The following BOD1 variants were observed in gnomAD, a reference collection of about 807,000 sequenced individuals.
The protein encoded by BOD1 is biorientation of chromosomes in cell division protein 1.
Under a neutral mutation model 15.7 loss-of-function variants are expected in BOD1, and 11 were observed. The observed-to-expected ratio is 0.70, with a 90% CI of 0.44 to 1.16. The LOEUF is 1.16. Among genes scored for constraint, BOD1 ranks in the 50% most tolerant of loss-of-function variants. The pLI, the probability that BOD1 is intolerant of heterozygous loss-of-function variation, is 0.00. For synonymous variants in BOD1, 105 were observed against 103.5 expected (o/e 1.01, Z -0.09); for missense variants, 182 against 244.5 (o/e 0.74, Z 1.70).
intron 1 of BOD1, chr5:173,614,570 G>C (rs2113341085): frequency 6.6e-6 from 1 of 152,358 alleles, no homozygotes; most frequent in East Asian, 1.9e-4. Flanking sequence ...CCCAAAATGT[G>C]CATTTCTAAC....
At chr5:173,611,030 T>G (rs1755336399) in intron 2 of BOD1, among the ~76,000 whole-genome samples, 1 of 152,160 alleles carries the variant, frequency 6.6e-6, no homozygotes, top group African/African-American at 2.4e-5. Flanking sequence ...GAAGTAAATT[T>G]CCATTGTTTA....
intron 1 of BOD1, among the ~76,000 whole-genome samples, chr5:173,614,476 TCAGTTCAAAGTAAATTA>T (rs370299910): frequency 3.3e-5 from 5 of 152,368 alleles, no homozygotes; most frequent in African/African-American, 1.2e-4. Context: ...TGTTCACTTA[TCAGTTCAAAGTAAATTA>T]CAGTGCAAAG....
At chr5:173,609,599 T>TTTGAGGGGTAATTTTGAGGG in intron 2 of BOD1, 165 bp from the exon 3 acceptor site, 1 of 645,334 alleles carries the variant, frequency 1.5e-6, no homozygotes, top group Non-Finnish European at 2.6e-6. Flanking sequence ...CACGCTATTT[T>TTTGAGGGGTAATTTTGAGGG]CACTTTTGAG....
intron 1 of BOD1, chr5:173,614,698 A>C (rs1187656308): frequency 6.6e-6 from 1 of 152,228 alleles, no homozygotes; most frequent in Non-Finnish European, 1.5e-5. Flanking sequence ...AAGAACTAAA[A>C]CAACCTGGAA....
Position 173,608,144 on chromosome 5 carries a change from C to G in BOD1, c.*150G>C, listed in dbSNP as rs1488774899. 1.3e-5 allele frequency: 12 copies of G among 934,402 alleles called. No individual in the cohort carries two copies. Among genetic ancestry groups the G allele is most frequent in the Non-Finnish European group, 2.1e-5 (12 of 579,048 alleles). The allele number at this position is 934,402 out of a possible 1,614,324, so 57.9% of individuals were successfully genotyped here. A position where few individuals can be genotyped will look rare whatever the true frequency, so the allele number is the denominator to read the frequency against. On this transcript the variant is annotated 3_prime_UTR_variant, in exon 4 of 4. Transcript: ENST00000311086. The stretch of plus-strand genomic sequence containing the variant: ...AACTCTCCCACTGCCGAACTTGCTC[C>G]CCTTTCAATCTGGTCACTGCCCATG...
Position 173,608,201 on chromosome 5 carries a change from C to A in BOD1, c.*93G>T. The A allele has an allele frequency of 1.4e-6, 2 of 1,459,504 alleles. No individual in the cohort carries two copies. The highest frequency in any genetic ancestry group is 1.9e-6 in the Non-Finnish European group (2 of 1,039,318). The allele number at this position is 1,459,504 out of a possible 1,614,324, so 90.4% of individuals were successfully genotyped here. A position where few individuals can be genotyped will look rare whatever the true frequency, so the allele number is the denominator to read the frequency against. ...GTTGAAATCTTGAGATCAGTGACGACCTTGGCCTATCTTCAGTCTGAAGTT... is the reference window on the plus strand; with the variant it reads ...GTTGAAATCTTGAGATCAGTGACGAACTTGGCCTATCTTCAGTCTGAAGTT... On this transcript the variant is annotated 3_prime_UTR_variant, in exon 4 of 4. Coordinates refer to ENST00000311086, the MANE Select transcript of BOD1 (RefSeq NM_138369.3).
chr5:173,608,083 G>T lies in BOD1; in HGVS notation c.*211C>A. ...TGGTGTCATGCCCTTGGACAGGCTGGCCAAATGGCAGCACAATGCAGGGGG... is the reference window on the plus strand; with the variant it reads ...TGGTGTCATGCCCTTGGACAGGCTGTCCAAATGGCAGCACAATGCAGGGGG... On this transcript the variant is annotated 3_prime_UTR_variant, in exon 4 of 4. Coordinates refer to ENST00000311086, the MANE Select transcript of BOD1 (RefSeq NM_138369.3). 2.2e-6 allele frequency: 1 copy of T among 456,996 alleles called. No individual in the cohort carries two copies. Among genetic ancestry groups the T allele is most frequent in the Non-Finnish European group, 3.9e-6 (1 of 254,108 alleles). 28.3% of individuals were successfully genotyped at this position (456,996 alleles called of 1,614,324 possible).
chr5:173,608,410 C>T (rs1264974910), intron 3 of BOD1, 118 bp from the exon 4 acceptor site: 5 of 813,834 alleles, frequency 6.1e-6, no homozygotes, highest in Non-Finnish European at 9.9e-6. Context: ...ATGTTTTACA[C>T]TCCATATTGG....
chr5:173,616,410 T>TG lies in BOD1; in HGVS notation c.26_27insC (p.Thr10AsnfsTer10), dbSNP rs962721906. The TG allele has an allele frequency of 1.5e-5, 23 of 1,534,234 alleles. No homozygotes were observed. The African/African-American group carries it at 3.3e-4, about 22-fold the overall frequency. On this transcript the variant is annotated frameshift_variant, in exon 1 of 4. Transcript: ENST00000311086. LOFTEE classifies it high-confidence loss of function. Reference sequence around the variant, plus strand: ...TTCCGCCGCCGCCCACCGCGCCAGTTCCCCCGCCGCCGCCGCCGTCCGCCA... The same window carrying TG: ...TTCCGCCGCCGCCCACCGCGCCAGTTGCCCCCGCCGCCGCCGCCGTCCGCCA...
At chr5:173,609,612 G>T in intron 2 of BOD1, 178 bp from the exon 3 acceptor site, 1 of 595,272 alleles carries the variant, frequency 1.7e-6, no homozygotes. Flanking sequence ...CTTTTGAGGG[G>T]TAATTCTCAA....
rs374138556 is a variant in BOD1 at position 173,608,152 on chromosome 5, A to G, written c.*142T>C. The G allele has an allele frequency of 3.3e-4, 337 of 1,030,714 alleles. 3 individuals carry two copies. The African/African-American group carries it at 4.3e-3, about 13-fold the overall frequency. The allele number at this position is 1,030,714 out of a possible 1,614,324, so 63.8% of individuals were successfully genotyped here. A position where few individuals can be genotyped will look rare whatever the true frequency, so the allele number is the denominator to read the frequency against. ...CACTGCCGAACTTGCTCCCCTTTCA[A>G]TCTGGTCACTGCCCATGGTCAAGGT... On this transcript the variant is annotated 3_prime_UTR_variant, in exon 4 of 4. Coordinates refer to ENST00000311086, the MANE Select transcript of BOD1 (RefSeq NM_138369.3).
At chr5:173,613,345 C>T (rs1248622840) in intron 1 of BOD1, 90 bp from the exon 2 acceptor site, 4 of 1,458,238 alleles carry the variant, frequency 2.7e-6, no homozygotes, top group East Asian at 2.3e-5. Context: ...TTCACAGAAA[C>T]GTTATTAAGT....
At chr5:173,610,621 T>C (rs1359025595) in intron 2 of BOD1, among the ~76,000 whole-genome samples, 1 of 152,174 alleles carries the variant, frequency 6.6e-6, no homozygotes, top group Admixed American at 6.5e-5. Context: ...TATGGGATGC[T>C]AACAAAGGAA....
rs759963160 is a variant in BOD1, at chr5:173,616,460, G to T, written c.-24C>A. 6.4e-7 allele frequency: 1 copy of T among 1,560,140 alleles called. No individual in the cohort carries two copies. The highest frequency in any genetic ancestry group is 1.1e-5 in the South Asian group (1 of 87,234). Reference sequence around the variant, plus strand: ...ATGGCTGCGCCCCGGGCCCACAAGGGAGAACGACTATAGCTTCTTCTCCAG... The same window carrying T: ...ATGGCTGCGCCCCGGGCCCACAAGGTAGAACGACTATAGCTTCTTCTCCAG... On this transcript the variant is annotated 5_prime_UTR_variant, in exon 1 of 4. Transcript: ENST00000311086.
At chr5:173,612,734 A>G (rs1314805953) in intron 2 of BOD1, among the ~76,000 whole-genome samples, 1 of 152,216 alleles carries the variant, frequency 6.6e-6, no homozygotes, top group Non-Finnish European at 1.5e-5. Context: ...GGTGGACTCA[A>G]AGAATTTATT....
In BOD1 at chr5:173,616,587, T is replaced by TG. The variant is rs1004725875; in HGVS notation, c.-152dup. 5 of 1,356,548 alleles carry TG rather than the reference T, an allele frequency of 3.7e-6. No homozygotes were observed. Among genetic ancestry groups the TG allele is most frequent in the Non-Finnish European group, 4.7e-6 (5 of 1,061,828 alleles). The allele number at this position is 1,356,548 out of a possible 1,614,324, so 84.0% of individuals were successfully genotyped here. A position where few individuals can be genotyped will look rare whatever the true frequency, so the allele number is the denominator to read the frequency against. On this transcript the variant is annotated 5_prime_UTR_variant, in exon 1 of 4. Coordinates refer to ENST00000311086, the MANE Select transcript of BOD1 (RefSeq NM_138369.3). Reference sequence around the variant, plus strand: ...GTGGCGATGGCGGCAGGGGCGGTGGTGGGGGCGGCGGCGGCGAAGGCCCCC... The same window carrying TG: ...GTGGCGATGGCGGCAGGGGCGGTGGTGGGGGGCGGCGGCGGCGAAGGCCCCC...
rs1755225977 is a variant in BOD1, at chr5:173,607,293, A to G, written c.*1001T>C. The stretch of plus-strand genomic sequence containing the variant: ...AGGTGCTACTTCTGCACACACAAGG[A>G]TGACAAACACTGACACATACCACGG... On this transcript the variant is annotated 3_prime_UTR_variant, in exon 4 of 4. Coordinates refer to ENST00000311086, the MANE Select transcript of BOD1 (RefSeq NM_138369.3). Among the ~76,000 whole-genome samples, 1 of 152,202 alleles carries G rather than the reference A, an allele frequency of 6.6e-6. No homozygotes were observed. Among genetic ancestry groups the G allele is most frequent in the African/African-American group, 2.4e-5 (1 of 41,442 alleles).
rs543202242 is a variant in BOD1, at chr5:173,609,450, A to C, written c.363-16T>G. On this transcript the variant is annotated splice_polypyrimidine_tract_variant and intron_variant, in intron 2 of 3. Transcript: ENST00000311086. ...CATCCCTGACCTTGTGGAGACAAACAGATCATTCTGTTATTTAGTTCCTTC... is the reference window on the plus strand; with the variant it reads ...CATCCCTGACCTTGTGGAGACAAACCGATCATTCTGTTATTTAGTTCCTTC... 6.6e-6 allele frequency: 8 copies of C among 1,217,440 alleles called. No homozygotes were observed. The highest frequency in any genetic ancestry group is 9.0e-6 in the Non-Finnish European group (8 of 892,222). The allele number at this position is 1,217,440 out of a possible 1,614,324, so 75.4% of individuals were successfully genotyped here.
Position 173,616,603 on chromosome 5 carries a change from G to A in BOD1, c.-167C>T. On this transcript the variant is annotated 5_prime_UTR_variant, in exon 1 of 4. Coordinates refer to ENST00000311086, the MANE Select transcript of BOD1 (RefSeq NM_138369.3). ...GGGCGGTGGTGGGGGCGGCGGCGGC[G>A]AAGGCCCCCTCTGATACAGCAGAGG... The A allele has an allele frequency of 5.2e-6, 7 of 1,352,218 alleles. No homozygotes were observed. Among genetic ancestry groups the A allele is most frequent in the Non-Finnish European group, 5.7e-6 (6 of 1,059,448 alleles). The allele number at this position is 1,352,218 out of a possible 1,614,324, so 83.8% of individuals were successfully genotyped here.
Sources: allele counts gnomAD v4.1 joint callset (sites outside exome capture counted in the v4.1 genomes callset), GRCh38; gene constraint gnomAD v4.1.1; transcripts MANE v1.5; gene names NCBI Gene and HGNC (gene_info 2026-07-23, HGNC 2026-07-21).